PDE10A: variants seen among roughly 807,000 people sequenced by gnomAD.
PDE10A encodes the protein cAMP and cAMP-inhibited cGMP 3',5'-cyclic phosphodiesterase 10A.
A neutral mutation model predicts 97.7 loss-of-function variants in PDE10A; 39 were observed. The observed-to-expected ratio is 0.40, with a 90% CI of 0.31 to 0.52. The LOEUF (loss-of-function observed/expected upper bound fraction) is 0.52, where lower values mean the gene tolerates loss of function less well. Among genes scored for constraint, PDE10A ranks in the 20% least tolerant of loss-of-function variants. The pLI, the probability that PDE10A is intolerant of heterozygous loss-of-function variation, is 0.56. For synonymous variants in PDE10A, 371 were observed against 376.8 expected (o/e 0.98, Z 0.18); for missense variants, 731 against 1,047.8 (o/e 0.70, Z 4.17).
intron 1 of PDE10A, among the ~76,000 whole-genome samples, chr6:165,815,080 T>C (rs1779373786): frequency 6.6e-6 from 1 of 152,200 alleles, no homozygotes; most frequent in African/African-American, 2.4e-5. Flanking sequence ...CAATAAACAC[T>C]GTCAGGATCA....
intron 3 of PDE10A, among the ~76,000 whole-genome samples, chr6:165,473,696 C>A (rs866475713): frequency 2.0e-5 from 3 of 152,116 alleles, no homozygotes; most frequent in Non-Finnish European, 4.4e-5. Context: ...CAAAGGAAAA[C>A]ACTGTGGCCA....
chr6:165,626,226 A>C (rs1381537306), intron 1 of PDE10A, among the ~76,000 whole-genome samples: 1 of 152,224 alleles, frequency 6.6e-6, no homozygotes, highest in African/African-American at 2.4e-5. Flanking sequence ...AATCACGCTC[A>C]GGAAACCACA....
In PDE10A at chr6:165,543,502, G is replaced by T. The variant is rs779162420; in HGVS notation, c.932C>A (p.Ser311Tyr). ...LHPQVLDEFV[S>Y]ESVSAETVEK... Reference sequence around the variant, plus strand: ...TACTGTCTCTGCACTAACACTTTCAGATACAAATTCATCTAATACCTGGGG... The same window carrying T: ...TACTGTCTCTGCACTAACACTTTCATATACAAATTCATCTAATACCTGGGG... Residue 311 changes from serine (S) to tyrosine (Y), a missense_variant, in exon 2 of 22, where the codon TCT becomes TAT. Ser to Tyr is a moderately radical substitution (Grantham distance 144, BLOSUM62 -2). Coordinates refer to ENST00000539869, the MANE Select transcript of PDE10A (RefSeq NM_001385079.1). 3.1e-6 allele frequency: 5 copies of T among 1,611,964 alleles called. No individual in the cohort carries two copies. The highest frequency in any genetic ancestry group is 4.2e-6 in the Non-Finnish European group (5 of 1,178,592).
At chr6:165,768,519 G>A (rs12526730) in intron 1 of PDE10A, among the ~76,000 whole-genome samples, 3 of 151,776 alleles carry the variant, frequency 2.0e-5, no homozygotes, top group South Asian at 2.1e-4. Context: ...AGAATTTTTC[G>A]CATTTATAGG....
intron 18 of PDE10A, among the ~76,000 whole-genome samples, chr6:165,345,036 T>C (rs1014168840): frequency 3.9e-5 from 6 of 152,202 alleles, no homozygotes; most frequent in African/African-American, 1.4e-4. Flanking sequence ...ACCTTTTTTT[T>C]CAACAGGTAA....
intron 13 of PDE10A, among the ~76,000 whole-genome samples, chr6:165,404,997 T>C (rs1297555506): frequency 5.3e-5 from 8 of 152,152 alleles, no homozygotes; most frequent in Admixed American, 2.0e-4. Context: ...TATGGCACCA[T>C]AGAGAGTTCT....
At chr6:165,773,615 CT>C (rs1435139827) in intron 1 of PDE10A, among the ~76,000 whole-genome samples, 1 of 152,158 alleles carries the variant, frequency 6.6e-6, no homozygotes, top group African/African-American at 2.4e-5. Flanking sequence ...AACAAGGCCC[CT>C]GACTCAAGCG....
chr6:165,882,801 C>T (rs754227637), intron 1 of PDE10A, among the ~76,000 whole-genome samples: 1 of 150,570 alleles, frequency 6.6e-6, no homozygotes, highest in South Asian at 2.1e-4. Context: ...AAACTCTGAT[C>T]GTGGCTATGA....
chr6:165,475,432 G>A (rs1272633391), intron 3 of PDE10A, among the ~76,000 whole-genome samples: 1 of 152,096 alleles, frequency 6.6e-6, no homozygotes, highest in East Asian at 1.9e-4. Flanking sequence ...GAAAAACAAG[G>A]AGAAAAGCTG....
intron 1 of PDE10A, among the ~76,000 whole-genome samples, chr6:165,966,863 T>C (rs550532743): frequency 6.6e-6 from 1 of 151,540 alleles, no homozygotes; most frequent in East Asian, 1.9e-4. Context: ...CTGCACACAA[T>C]AAGTCAAGAG....
At chr6:165,750,528 G>A (rs1236261195) in intron 1 of PDE10A, among the ~76,000 whole-genome samples, 1 of 152,124 alleles carries the variant, frequency 6.6e-6, no homozygotes, top group East Asian at 1.9e-4. Flanking sequence ...GACTTGTCAA[G>A]GGCGAATTTA....
intron 5 of PDE10A, among the ~76,000 whole-genome samples, chr6:165,437,020 T>A (rs2128241039): frequency 6.6e-6 from 1 of 152,110 alleles, no homozygotes; most frequent in East Asian, 1.9e-4. Context: ...AGGAAGCAAC[T>A]GTCCCTTTTC....
At chr6:165,411,303 G>A (rs1299000736) in intron 13 of PDE10A, among the ~76,000 whole-genome samples, 1 of 151,870 alleles carries the variant, frequency 6.6e-6, no homozygotes, top group African/African-American at 2.4e-5. Context: ...CAGTACCTTA[G>A]AATGCAGCTG....
At chr6:165,554,129 A>C (rs559204998) in intron 1 of PDE10A, among the ~76,000 whole-genome samples, 1 of 152,330 alleles carries the variant, frequency 6.6e-6, no homozygotes, top group Admixed American at 6.5e-5. Context: ...ATACCTCATA[A>C]GCATAGGCAA....
chr6:165,898,203 A>G lies in PDE10A; in HGVS notation c.-615+89326T>C, dbSNP rs569274558. ...TGCCTCCCATCTCCTTCACAGCGAT[A>G]AACTAAGCTCTCACTGTTTTTACAC... On this transcript the variant is annotated intron_variant, in intron 1 of 19. Coordinates refer to the PDE10A transcript ENST00000366882. Among the ~76,000 whole-genome samples, 106 of 152,082 alleles carry G rather than the reference A, an allele frequency of 7.0e-4. 1 individual carries two copies. Among genetic ancestry groups the G allele is most frequent in the Non-Finnish European group, 8.1e-4 (55 of 68,020 alleles).
At chr6:165,715,987 C>A (rs79311868) in intron 1 of PDE10A, among the ~76,000 whole-genome samples, 3,947 of 152,222 alleles carry the variant, frequency 0.026, 162 homozygotes, top group African/African-American at 0.091. Context: ...CCCACGGAAG[C>A]CTCCCCTCCG....
intron 1 of PDE10A, among the ~76,000 whole-genome samples, chr6:165,604,457 C>T (rs547301198): frequency 6.7e-5 from 10 of 149,882 alleles, no homozygotes; most frequent in East Asian, 2.0e-4. Context: ...GACATGCCCA[C>T]GTGAGTGTCC....
intron 1 of PDE10A, among the ~76,000 whole-genome samples, chr6:165,951,977 T>G (rs1440991498): frequency 6.6e-6 from 1 of 152,248 alleles, no homozygotes; most frequent in Non-Finnish European, 1.5e-5. Flanking sequence ...CATCATGAAT[T>G]TACTATGCCA....
intron 1 of PDE10A, among the ~76,000 whole-genome samples, chr6:165,783,718 A>C (rs1484264810): frequency 6.6e-6 from 1 of 152,212 alleles, no homozygotes; most frequent in Non-Finnish European, 1.5e-5. Context: ...CCTGTGTAAG[A>C]ACTGTGACAA....
Sources: gnomAD v4.1 joint callset for allele counts (sites outside exome capture counted in the v4.1 genomes callset) on GRCh38, gnomAD v4.1.1 for gene constraint, MANE v1.5 for transcripts, NCBI Gene and HGNC (gene_info 2026-07-23, HGNC 2026-07-21) for gene names.